GPD2: variants seen among roughly 807,000 people sequenced by gnomAD.
GPD2 encodes the protein glycerol-3-phosphate dehydrogenase 2.
GPD2 carries 54 observed loss-of-function variants against 82.4 expected under a neutral mutation model. The observed-to-expected ratio is 0.66, with a 90% confidence interval of 0.53 to 0.82. GPD2 has a LOEUF of 0.82. GPD2 is among the 40% of genes least tolerant of loss of function. The pLI, the probability that GPD2 is intolerant of heterozygous loss-of-function variation, is 0.00. For synonymous variants in GPD2, 288 were observed against 306.1 expected (o/e 0.94, Z 0.62); for missense variants, 748 against 896.2 (o/e 0.83, Z 2.11).
At chr2:156,543,683 A>T (rs576203100) in intron 6 of GPD2, among the ~76,000 whole-genome samples, 1 of 152,352 alleles carries the variant, frequency 6.6e-6, no homozygotes, top group Admixed American at 6.5e-5. Flanking sequence ...TTTGGGTAAG[A>T]TGTACCACAT....
intron 1 of GPD2, among the ~76,000 whole-genome samples, chr2:156,452,796 A>G (rs982417608): frequency 6.6e-6 from 1 of 151,704 alleles, no homozygotes; most frequent in African/African-American, 2.4e-5. Context: ...CCAGGAAGGA[A>G]GGGGATCTAG....
chr2:156,458,425 A>G (rs553600002), intron 1 of GPD2, among the ~76,000 whole-genome samples: 1 of 152,276 alleles, frequency 6.6e-6, no homozygotes, highest in African/African-American at 2.4e-5. Flanking sequence ...AGGGGCTGTA[A>G]TGTGCAATAA....
At chr2:156,405,811 G>A in the GPD2 span, among the ~76,000 whole-genome samples, 1 of 152,166 alleles carries the variant, frequency 6.6e-6, no homozygotes, top group Non-Finnish European at 1.5e-5. Context: ...CTTGAGCACT[G>A]TGAAGTGTTA....
Position 156,585,877 on chromosome 2 carries a change from A to C in GPD2, c.*2959A>C, listed in dbSNP as rs1688199615. 6.6e-6 allele frequency: 1 copy of C among 152,502 alleles called. No individual in the cohort carries two copies. The highest frequency in any genetic ancestry group is 2.4e-5 in the African/African-American group (1 of 41,442). The allele number at this position is 152,502 out of a possible 1,614,324, so 9.4% of individuals were successfully genotyped here. A position where few individuals can be genotyped will look rare whatever the true frequency, so the allele number is the denominator to read the frequency against. ...GTTTTTAAATAGCAAGTGTAAGCTCAGTGCTAGAGTGGATATACACACCGC... is the reference window on the plus strand; with the variant it reads ...GTTTTTAAATAGCAAGTGTAAGCTCCGTGCTAGAGTGGATATACACACCGC... On this transcript the variant is annotated 3_prime_UTR_variant, in exon 17 of 17. Coordinates refer to ENST00000438166, the MANE Select transcript of GPD2 (RefSeq NM_000408.5).
At chr2:156,526,562 G>A (rs1232014092) in intron 6 of GPD2, among the ~76,000 whole-genome samples, 1 of 150,286 alleles carries the variant, frequency 6.7e-6, no homozygotes, top group African/African-American at 2.4e-5. Flanking sequence ...TATATTAATG[G>A]TGCATTTTTT....
At chr2:156,454,782 G>A (rs1465054201) in intron 1 of GPD2, among the ~76,000 whole-genome samples, 1 of 152,084 alleles carries the variant, frequency 6.6e-6, no homozygotes, top group Non-Finnish European at 1.5e-5. Flanking sequence ...GAGCATGCTA[G>A]GGTTAGTCCT....
intron 2 of GPD2, among the ~76,000 whole-genome samples, chr2:156,484,453 C>T (rs1683860806): frequency 6.6e-6 from 1 of 152,104 alleles, no homozygotes; most frequent in African/African-American, 2.4e-5. Flanking sequence ...TAAAAAAAAC[C>T]TTAGGAAATG....
chr2:156,534,261 G>T (rs955569454), intron 6 of GPD2, among the ~76,000 whole-genome samples: 6 of 151,816 alleles, frequency 4.0e-5, no homozygotes, highest in Non-Finnish European at 7.4e-5. Context: ...CCTCTGCTGT[G>T]CCACTCTTCT....
intron 3 of GPD2, among the ~76,000 whole-genome samples, chr2:156,508,201 G>A (rs937635192): frequency 1.3e-5 from 2 of 151,888 alleles, no homozygotes; most frequent in African/African-American, 2.4e-5. Flanking sequence ...CTAATAACTC[G>A]CATGGTTGTT....
chr2:156,571,054 TA>T lies in GPD2; in HGVS notation c.1609-79del. 5.2e-6 allele frequency: 5 copies of T among 954,310 alleles called. No homozygotes were observed. In the South Asian group the frequency reaches 6.4e-5, roughly 12 times the overall value. 59.1% of individuals were successfully genotyped at this position (954,310 alleles called of 1,614,324 possible). On this transcript the variant is annotated intron_variant, in intron 12 of 16. Transcript: ENST00000438166. Reference sequence around the variant, plus strand: ...ATATTACCTTTGTGAAGCACACATTTATTTTTTTTAAGTGAAGCTTTATTTC... The same window carrying T: ...ATATTACCTTTGTGAAGCACACATTTTTTTTTTTAAGTGAAGCTTTATTTC...
At chr2:156,433,772 GCTCA>G (rs760846617), upstream of GPD2, among the ~76,000 whole-genome samples, 1 of 152,080 alleles carries the variant, frequency 6.6e-6, no homozygotes, top group Non-Finnish European at 1.5e-5. Flanking sequence ...GGACCAGATC[GCTCA>G]CCTAAGCATT....
chr2:156,408,711 TAAAAA>T, the GPD2 span, among the ~76,000 whole-genome samples: 36 of 82,046 alleles, frequency 4.4e-4, no homozygotes, highest in African/African-American at 1.5e-3. Flanking sequence ...CTGCACCTGG[TAAAAA>T]AAAAAAAAAA....
chr2:156,485,717 CTT>C (rs1683913665), intron 2 of GPD2, among the ~76,000 whole-genome samples: 3 of 152,194 alleles, frequency 2.0e-5, no homozygotes, highest in Admixed American at 1.3e-4. Flanking sequence ...ACCTATGTCT[CTT>C]TATTCTAGTG....
chr2:156,541,337 G>A (rs1458983951), intron 6 of GPD2, among the ~76,000 whole-genome samples: 3 of 152,218 alleles, frequency 2.0e-5, no homozygotes, highest in Non-Finnish European at 2.9e-5. Context: ...AAGAAAGGAA[G>A]TGTGCTAGAA....
chr2:156,565,094 A>G (rs1687334929), intron 9 of GPD2, among the ~76,000 whole-genome samples: 1 of 152,088 alleles, frequency 6.6e-6, no homozygotes, highest in Non-Finnish European at 1.5e-5. Context: ...GGCATTTGCC[A>G]CAGATTATTT....
At chr2:156,448,809 A>G (rs2105150575) in intron 1 of GPD2, among the ~76,000 whole-genome samples, 1 of 152,352 alleles carries the variant, frequency 6.6e-6, no homozygotes, top group Non-Finnish European at 1.5e-5. Flanking sequence ...ACAAATGACC[A>G]CAAACTTGGT....
At chr2:156,400,805 T>A in the GPD2 span, among the ~76,000 whole-genome samples, 1 of 152,222 alleles carries the variant, frequency 6.6e-6, no homozygotes, top group Non-Finnish European at 1.5e-5. Context: ...GCGCTTCGCA[T>A]GTGTGAGGTC....
At chr2:156,559,120 A>G (rs1687075241) in intron 9 of GPD2, among the ~76,000 whole-genome samples, 1 of 151,944 alleles carries the variant, frequency 6.6e-6, no homozygotes, top group South Asian at 2.1e-4. Flanking sequence ...TCTTGGCAAA[A>G]TTTTTATACT....
rs749901265 is a variant in GPD2, at chr2:156,579,017, GTCTA to G, written c.1880+24_1880+27del. On this transcript the variant is annotated intron_variant, in intron 14 of 16. Transcript: ENST00000438166. ...ACATTGACAGGTACTTATAATAAGTGTCTATCTATCTCTCTTTTTTTTTGGCCTA... is the reference window on the plus strand; with the variant it reads ...ACATTGACAGGTACTTATAATAAGTGTCTATCTCTCTTTTTTTTTGGCCTA... 6.3e-5 allele frequency: 98 copies of G among 1,550,200 alleles called. 1 individual carries two copies. In the East Asian group the frequency reaches 9.7e-4, roughly 15 times the overall value.
Sources: gnomAD v4.1 joint callset for allele counts (sites outside exome capture counted in the v4.1 genomes callset) on GRCh38, gnomAD v4.1.1 for gene constraint, MANE v1.5 for transcripts, NCBI Gene and HGNC (gene_info 2026-07-23, HGNC 2026-07-21) for gene names.